HMGA2: variants seen among roughly 807,000 people sequenced by gnomAD.
The protein encoded by HMGA2 is high mobility group protein HMGI-C.
HMGA2 carries 8 observed loss-of-function variants against 19.1 expected under a neutral mutation model. The observed-to-expected ratio is 0.42, with a 90% CI of 0.25 to 0.76. The LOEUF is 0.76. Among genes scored for constraint, HMGA2 ranks in the 30% least tolerant of loss-of-function variants. HMGA2 has a pLI of 0.28. For missense variants in HMGA2, 109 were observed against 136.3 expected (o/e 0.80, Z 1.00); for synonymous variants, 60 against 48.8 (o/e 1.23, Z -0.96).
chr12:65,907,528 A>G (rs1659356571), intron 3 of HMGA2, among the ~76,000 whole-genome samples: 1 of 152,040 alleles, frequency 6.6e-6, no homozygotes, highest in Non-Finnish European at 1.5e-5. Flanking sequence ...TCAATTAACT[A>G]GCATAAAAGA....
intron 3 of HMGA2, among the ~76,000 whole-genome samples, chr12:65,933,827 C>G (rs1263685921): frequency 6.6e-6 from 1 of 152,094 alleles, no homozygotes; most frequent in African/African-American, 2.4e-5. Context: ...AAGAGTTAAC[C>G]TGTCCTTAAT....
chr12:65,963,586 C>T lies in HMGA2; in HGVS notation c.*294C>T, dbSNP rs1876818990. 1 of 447,152 alleles carries T rather than the reference C, an allele frequency of 2.2e-6. No homozygotes were observed. The highest frequency in any genetic ancestry group is 4.0e-6 in the Non-Finnish European group (1 of 248,172). The allele number at this position is 447,152 out of a possible 1,614,324, so 27.7% of individuals were successfully genotyped here. ...ACTTTTAATTACTGTTTTCTTTTTT[C>T]TTAACCTACTAATAGTTTGTTGATC... On this transcript the variant is annotated 3_prime_UTR_variant, in exon 5 of 5. Transcript: ENST00000403681.
chr12:65,947,950 G>T, intron 3 of HMGA2, among the ~76,000 whole-genome samples: 1 of 152,150 alleles, frequency 6.6e-6, no homozygotes, highest in East Asian at 1.9e-4. Flanking sequence ...GGGAAGTACA[G>T]CTTCTCCTGG....
chr12:65,940,734 T>C (rs1166561371), intron 3 of HMGA2, among the ~76,000 whole-genome samples: 4 of 152,316 alleles, frequency 2.6e-5, no homozygotes, highest in Non-Finnish European at 2.9e-5. Flanking sequence ...GTGGGTGTTA[T>C]AGTTTCATTA....
chr12:65,865,636 T>C (rs908921643), intron 3 of HMGA2, among the ~76,000 whole-genome samples: 2 of 145,568 alleles, frequency 1.4e-5, no homozygotes, highest in Non-Finnish European at 3.0e-5. Context: ...TATTTTTCTT[T>C]TTTTTTTTTT....
At chr12:65,885,248 C>T (rs1873604547) in intron 3 of HMGA2, among the ~76,000 whole-genome samples, 1 of 151,650 alleles carries the variant, frequency 6.6e-6, no homozygotes, top group Non-Finnish European at 1.5e-5. Flanking sequence ...ATTTATCTTC[C>T]TTTTTTTTCT....
intron 3 of HMGA2, among the ~76,000 whole-genome samples, chr12:65,948,155 A>G (rs1407684198): frequency 1.3e-5 from 2 of 152,062 alleles, no homozygotes; most frequent in East Asian, 3.8e-4. Context: ...TAAGGCCTGG[A>G]CCCTCCCAGT....
intron 3 of HMGA2, among the ~76,000 whole-genome samples, chr12:65,901,094 G>A (rs925722972): frequency 1.5e-4 from 23 of 152,092 alleles, no homozygotes; most frequent in African/African-American, 5.6e-4. Flanking sequence ...GTGATGACAC[G>A]TTGGCAGCTG....
intron 3 of HMGA2, among the ~76,000 whole-genome samples, chr12:65,945,708 G>T (rs1592462104): frequency 6.6e-6 from 1 of 152,152 alleles, no homozygotes; most frequent in East Asian, 1.9e-4. Context: ...TTTGCAGAGA[G>T]ATTGGATGAT....
intron 3 of HMGA2, among the ~76,000 whole-genome samples, chr12:65,849,736 ATTTTTTTT>A (rs34541445): frequency 1.2e-5 from 1 of 85,126 alleles, no homozygotes; most frequent in Non-Finnish European, 2.2e-5. Context: ...TAGGCTCTGT[ATTTTTTTT>A]TTTTTTTTTT....
rs1431457034 is a variant in HMGA2 at position 65,824,846 on chromosome 12, T to C, written c.-425T>C. ...GGGACACAATTCACTCCAAGTCTCT[T>C]CCCTTTCCAAGCCGCTTCCGAAGTG... On this transcript the variant is annotated 5_prime_UTR_variant, in exon 1 of 5. Coordinates refer to ENST00000403681, the MANE Select transcript of HMGA2 (RefSeq NM_003483.6). 4.1e-6 allele frequency: 1 copy of C among 242,522 alleles called. No individual in the cohort carries two copies. The highest frequency in any genetic ancestry group is 8.0e-6 in the Non-Finnish European group (1 of 125,380). The allele number at this position is 242,522 out of a possible 1,614,324, so 15.0% of individuals were successfully genotyped here. A position where few individuals can be genotyped will look rare whatever the true frequency, so the allele number is the denominator to read the frequency against.
In HMGA2 at chr12:65,915,147, T is replaced by A. The variant is rs748976458; in HGVS notation, c.250-36236T>A. On this transcript the variant is annotated intron_variant, in intron 3 of 4. Coordinates refer to ENST00000403681, the MANE Select transcript of HMGA2 (RefSeq NM_003483.6). ...AGTCACTGAATTGTCATTGGAGGAG[T>A]CCAGGATAGCTCTTCATGTTATTTT... The A allele has an allele frequency of 3.1e-6, 5 of 1,613,270 alleles. 1 individual carries two copies. Among genetic ancestry groups the A allele is most frequent in the African/African-American group, 1.3e-5 (1 of 74,970 alleles).
intron 3 of HMGA2, among the ~76,000 whole-genome samples, chr12:65,950,599 ATTTCT>A (rs1876424871): frequency 6.6e-6 from 1 of 152,148 alleles, no homozygotes; most frequent in Admixed American, 6.5e-5. Context: ...TGGGTACAAG[ATTTCT>A]TTTAGAGGAG....
At chr12:65,862,096 C>T (rs1418613280) in intron 3 of HMGA2, among the ~76,000 whole-genome samples, 7 of 152,102 alleles carry the variant, frequency 4.6e-5, no homozygotes, top group African/African-American at 1.2e-4. Context: ...CCACCCGCCT[C>T]GGCCTCCCAA....
At chr12:65,828,497 AG>A in intron 2 of HMGA2, 1 of 226,740 alleles carries the variant, frequency 4.4e-6, no homozygotes, top group East Asian at 1.1e-4. Flanking sequence ...AAAATGATAA[AG>A]ATTGATTTAC....
intron 3 of HMGA2, among the ~76,000 whole-genome samples, chr12:65,923,976 C>T (rs1875415509): frequency 6.6e-6 from 1 of 152,154 alleles, no homozygotes; most frequent in African/African-American, 2.4e-5. Flanking sequence ...CGCCATTGCA[C>T]TCCAGCCTGG....
At chr12:65,882,509 G>A (rs562013467) in intron 3 of HMGA2, among the ~76,000 whole-genome samples, 1 of 152,334 alleles carries the variant, frequency 6.6e-6, no homozygotes, top group East Asian at 1.9e-4. Flanking sequence ...GACATGTGAC[G>A]TATCTGAGCA....
At chr12:65,879,222 G>A (rs1273308415) in intron 3 of HMGA2, among the ~76,000 whole-genome samples, 1 of 152,156 alleles carries the variant, frequency 6.6e-6, no homozygotes, top group Non-Finnish European at 1.5e-5. Flanking sequence ...TGATTTCCCA[G>A]GCTCTGGTGG....
At chr12:65,858,318 TCTAC>T (rs1288937046) in intron 3 of HMGA2, 1 of 152,058 alleles carries the variant, frequency 6.6e-6, no homozygotes, top group East Asian at 1.9e-4. Flanking sequence ...TACAGTTCTC[TCTAC>T]CTTTCTCATT....
Sources: allele counts gnomAD v4.1 joint callset (sites outside exome capture counted in the v4.1 genomes callset), GRCh38; gene constraint gnomAD v4.1.1; transcripts MANE v1.5; gene names NCBI Gene and HGNC (gene_info 2026-07-23, HGNC 2026-07-21).